RYR2: variants seen among roughly 807,000 people sequenced by gnomAD.
RYR2 encodes the protein ryanodine receptor 2.
Under a neutral mutation model 601.1 loss-of-function variants are expected in RYR2, and 227 were observed. The ratio of observed to expected loss-of-function variants is 0.38; its 90% CI spans 0.34 to 0.42. The LOEUF is 0.42. Ranked by LOEUF, RYR2 falls within the 10% of genes least tolerant of loss-of-function variation. RYR2 has a pLI of 1.00. For missense variants in RYR2, 4,646 were observed against 6,156.5 expected, an observed-to-expected ratio of 0.75 and a Z score of 8.21; for synonymous variants, 2,223 against 2,175.1, an observed-to-expected ratio of 1.02 and a Z score of -0.61.
intron 1 of RYR2, among the ~76,000 whole-genome samples, chr1:237,238,833 A>G (rs992943775): frequency 4.6e-5 from 7 of 151,914 alleles, no homozygotes; most frequent in Admixed American, 4.6e-4. Flanking sequence ...ATTCTCTAAC[A>G]TATTTACTAG....
chr1:237,597,364 C>T (rs1310215144), intron 34 of RYR2, among the ~76,000 whole-genome samples: 1 of 151,182 alleles, frequency 6.6e-6, no homozygotes, highest in Non-Finnish European at 1.5e-5. Context: ...TCACTGCAAC[C>T]TCTGCCTTCT....
At chr1:237,307,083 A>G (rs1474830267) in intron 2 of RYR2, among the ~76,000 whole-genome samples, 1 of 152,132 alleles carries the variant, frequency 6.6e-6, no homozygotes, top group Non-Finnish European at 1.5e-5. Context: ...ACAAGATCCC[A>G]TTTCGTGGGC....
In RYR2 at chr1:237,698,822, G is replaced by A. The variant is rs1455867758; in HGVS notation, c.9068-143G>A. Reference sequence around the variant, plus strand: ...CCACTTTTAAGCAGAAAAACTGCATGATTTCAAACTTGATTATTAAAAAAC... The same window carrying A: ...CCACTTTTAAGCAGAAAAACTGCATAATTTCAAACTTGATTATTAAAAAAC... On this transcript the variant is annotated intron_variant, in intron 63 of 104. Coordinates refer to ENST00000366574, the MANE Select transcript of RYR2 (RefSeq NM_001035.3). The A allele has an allele frequency of 5.8e-6, 3 of 514,438 alleles. No homozygotes were observed. In the East Asian group the frequency reaches 9.5e-5, roughly 16 times the overall value. 31.9% of individuals were successfully genotyped at this position (514,438 alleles called of 1,614,324 possible).
chr1:237,175,796 G>T (rs1193889907), intron 1 of RYR2, among the ~76,000 whole-genome samples: 1 of 152,082 alleles, frequency 6.6e-6, no homozygotes, highest in African/African-American at 2.4e-5. Flanking sequence ...TCATTTCCAG[G>T]CAGAAGGAAC....
intron 51 of RYR2, among the ~76,000 whole-genome samples, chr1:237,652,649 C>T (rs1682878578): frequency 1.3e-5 from 2 of 152,032 alleles, no homozygotes; most frequent in African/African-American, 2.4e-5. Context: ...AAATTATATC[C>T]TTGATAAAAA....
chr1:237,119,235 G>T (rs1428049833), intron 1 of RYR2, among the ~76,000 whole-genome samples: 2 of 152,162 alleles, frequency 1.3e-5, no homozygotes, highest in East Asian at 3.9e-4. Flanking sequence ...ACGGGGAGTA[G>T]ACAGCCATCT....
At chr1:237,289,464 G>C (rs1015018705) in intron 2 of RYR2, among the ~76,000 whole-genome samples, 3 of 152,192 alleles carry the variant, frequency 2.0e-5, no homozygotes, top group Non-Finnish European at 2.9e-5. Flanking sequence ...TAGAATCATA[G>C]CAGAAGGGGA....
At chr1:237,563,143 C>G (rs967529108) in intron 27 of RYR2, among the ~76,000 whole-genome samples, 3 of 152,150 alleles carry the variant, frequency 2.0e-5, no homozygotes, top group Non-Finnish European at 4.4e-5. Flanking sequence ...CACAGTGGCT[C>G]ACACCTGTAA....
chr1:237,421,693 A>T (rs1705599076), intron 11 of RYR2, among the ~76,000 whole-genome samples: 1 of 152,142 alleles, frequency 6.6e-6, no homozygotes, highest in African/African-American at 2.4e-5. Flanking sequence ...TTTATTAAAT[A>T]ATAAGATTAT....
chr1:237,418,369 A>G (rs1705224159), intron 11 of RYR2, among the ~76,000 whole-genome samples: 1 of 152,098 alleles, frequency 6.6e-6, no homozygotes, highest in Non-Finnish European at 1.5e-5. Flanking sequence ...TAGACATTTT[A>G]TTTTGAGATT....
At chr1:237,367,011 G>T (rs1403076060) in intron 5 of RYR2, among the ~76,000 whole-genome samples, 4 of 152,140 alleles carry the variant, frequency 2.6e-5, no homozygotes, top group East Asian at 3.9e-4. Flanking sequence ...TTCTCTGAAG[G>T]AGTATAGTTT....
chr1:237,415,397 A>G (rs1704872456), intron 10 of RYR2, among the ~76,000 whole-genome samples: 2 of 152,190 alleles, frequency 1.3e-5, no homozygotes, highest in East Asian at 1.9e-4. Context: ...GTCCTAATGG[A>G]TGGATTAGGG....
chr1:237,457,012 T>C (rs1174740157), intron 16 of RYR2, among the ~76,000 whole-genome samples: 2 of 152,202 alleles, frequency 1.3e-5, no homozygotes, highest in Non-Finnish European at 2.9e-5. Context: ...AATTTTTAAT[T>C]TACTGTGCCA....
rs549678327 is a variant in RYR2 at position 237,825,063 on chromosome 1, C to G, written c.14591-3318C>G. 1.3e-3 allele frequency among the ~76,000 whole-genome samples: 196 copies of G among 152,212 alleles called. 2 individuals carry two copies. The highest frequency in any genetic ancestry group is 1.5e-3 in the Non-Finnish European group (101 of 67,998). On this transcript the variant is annotated intron_variant, in intron 101 of 104. Transcript: ENST00000366574. ...TTCCATGCTCATGGATAGGAAGAAT[C>G]AATATTGTGAAAATGGCCATACTGC...
At position 237,380,055 on chromosome 1, in the gene RYR2, C is replaced by T. The variant is rs184152450; in HGVS notation, c.576+2620C>T. Among the ~76,000 whole-genome samples the T allele has an allele frequency of 1.2e-3, 180 of 151,980 alleles. 1 individual carries two copies. Among genetic ancestry groups the T allele is most frequent in the East Asian group, 6.4e-3 (33 of 5,150 alleles). Reference sequence around the variant, plus strand: ...TGAGGATATTGTAAGACAGTAAATACGCATTACAGTATAGCTTAGAGATGC... The same window carrying T: ...TGAGGATATTGTAAGACAGTAAATATGCATTACAGTATAGCTTAGAGATGC... On this transcript the variant is annotated intron_variant, in intron 8 of 104. Transcript: ENST00000366574.
chr1:237,833,351 G>GCCCCCCCCCCCCCCCCCCC lies in RYR2; in HGVS notation c.*716_*717insCCCCCCCCCCCCCCCCCCC, dbSNP rs397983403. ...TTCTCATTCAGCTAAATTCACATTTGCCCCCCCCCCCCGCCCCCGCCCCCA... is the reference window on the plus strand; with the variant it reads ...TTCTCATTCAGCTAAATTCACATTTGCCCCCCCCCCCCCCCCCCCCCCCCCCCCCCCGCCCCCGCCCCCA... On this transcript the variant is annotated 3_prime_UTR_variant, in exon 105 of 105. Transcript: ENST00000366574. The GCCCCCCCCCCCCCCCCCCC allele has an allele frequency of 9.2e-6, 1 of 109,104 alleles. No individual in the cohort carries two copies. Among genetic ancestry groups the GCCCCCCCCCCCCCCCCCCC allele is most frequent in the Non-Finnish European group, 1.8e-5 (1 of 57,096 alleles). The allele number at this position is 109,104 out of a possible 1,614,324, so 6.8% of individuals were successfully genotyped here.
At chr1:237,393,891 G>A (rs1303884274) in intron 10 of RYR2, among the ~76,000 whole-genome samples, 1 of 152,194 alleles carries the variant, frequency 6.6e-6, no homozygotes, top group African/African-American at 2.4e-5. Flanking sequence ...TGGGTAAAAT[G>A]ACTGCTTCAA....
At chr1:237,463,209 C>G (rs1659682655) in intron 16 of RYR2, among the ~76,000 whole-genome samples, 1 of 152,086 alleles carries the variant, frequency 6.6e-6, no homozygotes, top group African/African-American at 2.4e-5. Context: ...CTGCGTAGGG[C>G]CTGTTCACTT....
intron 16 of RYR2, among the ~76,000 whole-genome samples, chr1:237,461,022 A>G (rs1659419496): frequency 6.6e-6 from 1 of 152,186 alleles, no homozygotes. Context: ...CTAGAAAAGA[A>G]ACTTTACTTA....
Sources: gnomAD v4.1 joint callset for allele counts (sites outside exome capture counted in the v4.1 genomes callset) on GRCh38, gnomAD v4.1.1 for gene constraint, MANE v1.5 for transcripts, NCBI Gene and HGNC (gene_info 2026-07-23, HGNC 2026-07-21) for gene names.